The following PPP1R26 variants were observed in gnomAD, a reference collection of about 807,000 sequenced individuals.
PPP1R26 encodes protein phosphatase 1 regulatory subunit 26.
Under a neutral mutation model 67.6 loss-of-function variants are expected in PPP1R26, and 22 were observed. The observed-to-expected ratio is 0.33, with a 90% CI of 0.23 to 0.46. The LOEUF is 0.46. Among genes scored for constraint, PPP1R26 ranks in the 20% least tolerant of loss-of-function variants. The pLI, the probability that PPP1R26 is intolerant of heterozygous loss-of-function variation, is 1.00. For missense variants in PPP1R26, 1,602 were observed against 1,651.4 expected, an observed-to-expected ratio of 0.97 and a Z score of 0.52; for synonymous variants, 729 against 717.2, an observed-to-expected ratio of 1.02 and a Z score of -0.26.
intron 3 of PPP1R26, 133 bp from the exon 4 acceptor site, chr9:135,484,316 G>C: frequency 1.7e-6 from 1 of 593,248 alleles, no homozygotes; most frequent in Non-Finnish European, 2.9e-6. Context: ...CACCCAGCTA[G>C]CTGGACGTTG....
At chr9:135,484,392 T>A in intron 3 of PPP1R26, 57 bp from the exon 4 acceptor site, 1 of 976,246 alleles carries the variant, frequency 1.0e-6, no homozygotes, top group Non-Finnish European at 1.5e-6. Context: ...TCGCTTGGTG[T>A]TGGCAGCTAT....
chr9:135,485,372 G>A lies in PPP1R26; in HGVS notation c.862G>A (p.Ala288Thr), dbSNP rs71483260. Residue 288 changes from alanine (A) to threonine (T), a missense_variant, in exon 4 of 4, where the codon GCC becomes ACC. Physicochemically the swap from Ala to Thr is moderately conservative, Grantham distance 58. Around this residue, in one of 5 missense-constraint regions of PPP1R26, gnomAD observed 680 missense variants for 726.1 expected, o/e 0.94. Coordinates refer to ENST00000356818, the MANE Select transcript of PPP1R26 (RefSeq NM_014811.5). The surrounding 1 kb of genome is among the most constrained non-coding windows in gnomAD (Gnocchi z 7.2). ...CCTGCTGGGCGTCCAGAAGGAGTTTGCCTTCCGCAAACCTCCCCGGTTAGC... is the reference window on the plus strand; with the variant it reads ...CCTGCTGGGCGTCCAGAAGGAGTTTACCTTCCGCAAACCTCCCCGGTTAGC... ...QGLLGVQKEF[A>T]FRKPPRLAKM... The A allele has an allele frequency of 3.7e-5, 59 of 1,612,784 alleles. No individual in the cohort carries two copies. Among genetic ancestry groups the A allele is most frequent in the Non-Finnish European group, 4.8e-5 (57 of 1,180,006 alleles).
chr9:135,480,484 C>T (rs1245060116), intron 1 of PPP1R26: 2 of 152,216 alleles, frequency 1.3e-5, no homozygotes, highest in Non-Finnish European at 2.9e-5. Context: ...GCTTGGAGGC[C>T]CGGCCTCTTC....
intron 2 of PPP1R26, 117 bp downstream of exon 2, chr9:135,482,932 GGGCTCACCTGTGTGTAGGTGGCCA>G (rs1000318538): frequency 2.5e-6 from 1 of 392,328 alleles, no homozygotes; most frequent in Admixed American, 4.5e-5. Context: ...TACCCCTTTT[GGGCTCACCTGTGTGTAGGTGGCCA>G]GGCTCACCTT....
chr9:135,486,919 T>TGCCTCC lies in PPP1R26; in HGVS notation c.2411_2416dup (p.Ala804_Ser805dup), dbSNP rs1830758954. ...GGGTGAGGAGACCCGCCTCCGCCTC[T>TGCCTCC]GCCTCCGAAGGGAATCCATTCCCCA... On this transcript the variant is annotated inframe_insertion, in exon 4 of 4. Transcript: ENST00000356818. This position sits in a 1 kb window ranked among gnomAD's most constrained non-coding sequence, Gnocchi z 6.2. 4 of 1,612,944 alleles carry TGCCTCC rather than the reference T, an allele frequency of 2.5e-6. No homozygotes were observed. The highest frequency in any genetic ancestry group is 1.3e-5 in the African/African-American group (1 of 75,062).
In PPP1R26 at chr9:135,486,823, T is replaced by G. The variant is rs2119308034; in HGVS notation, c.2313T>G (p.Ser771Arg). The change falls in exon 4 of 4, where the codon AGT becomes AGG. Residue 771 changes from serine to arginine, a missense_variant. Around this residue, in one of 5 missense-constraint regions of PPP1R26, gnomAD observed 740 missense variants for 696.3 expected, o/e 1.06. Coordinates refer to ENST00000356818, the MANE Select transcript of PPP1R26 (RefSeq NM_014811.5). This position sits in a 1 kb window ranked among gnomAD's most constrained non-coding sequence, Gnocchi z 6.2. ...AGGGTCCTGGGAAGAAACCCCCCAG[T>G]GTCTTTGGCAGCACGGCAGAGAGGA... ...SGEGPGKKPP[S>R]VFGSTAERMR... 1.2e-6 allele frequency: 2 copies of G among 1,609,554 alleles called. No homozygotes were observed. Among genetic ancestry groups the G allele is most frequent in the Non-Finnish European group, 1.7e-6 (2 of 1,178,580 alleles).
Position 135,488,100 on chromosome 9 carries a change from C to T in PPP1R26, c.3590C>T (p.Ser1197Phe), listed in dbSNP as rs779398619. 30 of 1,546,452 alleles carry T rather than the reference C, an allele frequency of 1.9e-5. No homozygotes were observed. The highest frequency in any genetic ancestry group is 2.4e-5 in the Non-Finnish European group (28 of 1,147,748). The change falls in exon 4 of 4, where the codon TCC becomes TTC. Residue 1197 changes from serine (S) to phenylalanine (F), a missense_variant. Physicochemically the swap from Ser to Phe is radical, Grantham distance 155. Around this residue, in one of 5 missense-constraint regions of PPP1R26, gnomAD observed 740 missense variants for 696.3 expected, o/e 1.06. Coordinates refer to ENST00000356818, the MANE Select transcript of PPP1R26 (RefSeq NM_014811.5). The stretch of plus-strand genomic sequence containing the variant: ...GACGCCAGTGACTTCAGCGACACCT[C>T]CACGGAGGACAGTGGCGGCAGCTCA... Reference protein sequence around the residue: ...GSDASDFSDTSTEDSGGSSVV... With the variant: ...GSDASDFSDTFTEDSGGSSVV...
In PPP1R26 at chr9:135,487,620, C is replaced by T; in HGVS notation, c.3110C>T (p.Pro1037Leu). ...GACTTCGCCCACCAGAGTCGGCTGC[C>T]CAGCCCGTGGGTGCTGCGCTCCGAA... Reference protein sequence around the residue: ...WSDFAHQSRLPSPWVLRSEGR... With the variant: ...WSDFAHQSRLLSPWVLRSEGR... Residue 1037 changes from proline to leucine, a missense_variant, in exon 4 of 4, where the codon CCC (proline) becomes CTC (leucine). This residue lies in a region of PPP1R26 where 740 missense variants were observed against 696.3 expected (regional missense o/e 1.06). Transcript: ENST00000356818. 1 of 1,484,824 alleles carries T rather than the reference C, an allele frequency of 6.7e-7. No individual in the cohort carries two copies. The allele number at this position is 1,484,824 out of a possible 1,614,324, so 92.0% of individuals were successfully genotyped here. A position where few individuals can be genotyped will look rare whatever the true frequency, so the allele number is the denominator to read the frequency against.
intron 1 of PPP1R26, 103 bp from the exon 2 acceptor site, chr9:135,482,580 T>C: frequency 2.5e-6 from 1 of 396,676 alleles, no homozygotes. Context: ...AAAGTTAATT[T>C]TGAGCCCTTA....
At position 135,487,641 on chromosome 9, in the gene PPP1R26, C is replaced by G. The variant is rs775313091; in HGVS notation, c.3131C>G (p.Ser1044Cys). ...CTGCCCAGCCCGTGGGTGCTGCGCT[C>G]CGAAGGCAGAGATGCAGTGTGGAGG... ...SRLPSPWVLRSEGRDAVWRGG... is the reference protein window; with the variant it reads ...SRLPSPWVLRCEGRDAVWRGG... Residue 1044 changes from serine to cysteine, a missense_variant, in exon 4 of 4, where the codon TCC (serine) becomes TGC (cysteine). Ser to Cys is a moderately radical substitution (Grantham distance 112, BLOSUM62 -1). Transcript: ENST00000356818. The G allele has an allele frequency of 9.8e-5, 144 of 1,476,198 alleles. No individual in the cohort carries two copies. Among genetic ancestry groups the G allele is most frequent in the Non-Finnish European group, 1.3e-4 (141 of 1,113,446 alleles). The allele number at this position is 1,476,198 out of a possible 1,614,324, so 91.4% of individuals were successfully genotyped here.
chr9:135,487,089 C>T lies in PPP1R26; in HGVS notation c.2579C>T (p.Ala860Val), dbSNP rs761246066. 6 of 1,611,398 alleles carry T rather than the reference C, an allele frequency of 3.7e-6. No individual in the cohort carries two copies. Among genetic ancestry groups the T allele is most frequent in the Admixed American group, 1.7e-5 (1 of 60,000 alleles). The change falls in exon 4 of 4, where the codon GCA becomes GTA. Residue 860 changes from alanine to valine, a missense_variant. Around this residue, in one of 5 missense-constraint regions of PPP1R26, gnomAD observed 740 missense variants for 696.3 expected, o/e 1.06. Transcript: ENST00000356818. ...TCAGTGAGCAGTTCAGAAGTTCAGG[C>T]AGAGGGCCCCACCGCTCTTGGGACA... is the stretch of plus-strand genomic sequence containing the variant. Reference protein sequence around the residue: ...KESVSSSEVQAEGPTALGTGG... With the variant: ...KESVSSSEVQVEGPTALGTGG...
upstream of PPP1R26, chr9:135,479,643 C>T (rs867587826): frequency 3.3e-3 from 479 of 145,864 alleles, 14 homozygotes; most frequent in East Asian, 0.049. The surrounding 1 kb of genome is among the most constrained non-coding windows in gnomAD (Gnocchi z 5.9). Context: ...CGCGCGCCTC[C>T]CCCGGAACTC....
rs1308584654 is a variant in PPP1R26 at position 135,486,500 on chromosome 9, G to A, written c.1990G>A (p.Gly664Ser). 2 of 1,612,924 alleles carry A rather than the reference G, an allele frequency of 1.2e-6. No homozygotes were observed. Among genetic ancestry groups the A allele is most frequent in the Admixed American group, 1.7e-5 (1 of 59,958 alleles). ...CCCTGGCGACACTCGCATGTCACAG[G>A]GCCAGGGTAAGACAGACGAGGCAAG... Reference protein sequence around the residue: ...RGPGDTRMSQGQGKTDEARRL... With the variant: ...RGPGDTRMSQSQGKTDEARRL... The change falls in exon 4 of 4, where the codon GGC becomes AGC. Residue 664 changes from glycine to serine, a missense_variant. By Grantham distance (56) the Gly-to-Ser change is moderately conservative. This residue lies in a region of PPP1R26 where 680 missense variants were observed against 726.1 expected (regional missense o/e 0.94). Coordinates refer to ENST00000356818, the MANE Select transcript of PPP1R26 (RefSeq NM_014811.5). The surrounding 1 kb of genome is among the most constrained non-coding windows in gnomAD (Gnocchi z 6.2).
chr9:135,488,051 C>G lies in PPP1R26; in HGVS notation c.3541C>G (p.Gln1181Glu), dbSNP rs1407764181. The change falls in exon 4 of 4, where the codon CAG (glutamine) becomes GAG (glutamate). Residue 1181 changes from glutamine (Q) to glutamate (E), a missense_variant. Coordinates refer to ENST00000356818, the MANE Select transcript of PPP1R26 (RefSeq NM_014811.5). ...RYRRRVNRDD[Q>E]EQDALGSDAS... ...TCGACGAAGGGTCAACAGGGATGAC[C>G]AGGAGCAGGACGCCTTGGGCAGTGA... 2 of 1,603,536 alleles carry G rather than the reference C, an allele frequency of 1.2e-6. No homozygotes were observed. Among genetic ancestry groups the G allele is most frequent in the East Asian group, 2.2e-5 (1 of 44,680 alleles).
Position 135,487,469 on chromosome 9 carries a change from G to C in PPP1R26, c.2959G>C (p.Gly987Arg). ...TCAGCTGCCCAGCTGTGCCACAGCG[G>C]GCACCGAGGCAGGAGGCGCCAGAGG... ...FGQLPSCATA[G>R]TEAGGARGTF... Residue 987 changes from glycine (G) to arginine (R), a missense_variant, in exon 4 of 4, where the codon GGC becomes CGC. Around this residue, in one of 5 missense-constraint regions of PPP1R26, gnomAD observed 740 missense variants for 696.3 expected, o/e 1.06. Coordinates refer to ENST00000356818, the MANE Select transcript of PPP1R26 (RefSeq NM_014811.5). 3 of 1,610,728 alleles carry C rather than the reference G, an allele frequency of 1.9e-6. No individual in the cohort carries two copies. The highest frequency in any genetic ancestry group is 2.5e-6 in the Non-Finnish European group (3 of 1,179,774).
In PPP1R26 at chr9:135,485,912, G is replaced by A. The variant is rs200254122; in HGVS notation, c.1402G>A (p.Val468Met). ...PASPASRSEF[V>M]ERSSCRADTS... ...GAGCCCTGCTTCCAGGAGTGAGTTT[G>A]TGGAACGGTCCTCGTGCCGGGCGGA... Residue 468 changes from valine to methionine, a missense_variant, in exon 4 of 4, where the codon GTG (valine) becomes ATG (methionine). Val to Met is a conservative substitution (Grantham distance 21, BLOSUM62 1). This residue lies in a region of PPP1R26 where 680 missense variants were observed against 726.1 expected (regional missense o/e 0.94). Coordinates refer to ENST00000356818, the MANE Select transcript of PPP1R26 (RefSeq NM_014811.5). This position sits in a 1 kb window ranked among gnomAD's most constrained non-coding sequence, Gnocchi z 7.2. The A allele has an allele frequency of 2.5e-6, 4 of 1,613,564 alleles. No individual in the cohort carries two copies. In the East Asian group the frequency reaches 8.9e-5, roughly 36 times the overall value.
At chr9:135,479,198 G>A (rs1378709388), upstream of PPP1R26, 1 of 152,076 alleles carries the variant, frequency 6.6e-6, no homozygotes, top group Non-Finnish European at 1.5e-5. This position sits in a 1 kb window ranked among gnomAD's most constrained non-coding sequence, Gnocchi z 5.9. Flanking sequence ...CAGGTCGTGC[G>A]TCCACTCCCC....
rs1830663947 is a variant in PPP1R26, at chr9:135,485,121, C to G, written c.611C>G (p.Ser204Cys). Residue 204 changes from serine (S) to cysteine (C), a missense_variant, in exon 4 of 4, where the codon TCC becomes TGC. This residue lies in a region of PPP1R26 where 680 missense variants were observed against 726.1 expected (regional missense o/e 0.94). Coordinates refer to ENST00000356818, the MANE Select transcript of PPP1R26 (RefSeq NM_014811.5). The surrounding 1 kb of genome is among the most constrained non-coding windows in gnomAD (Gnocchi z 7.2). ...SGGGPGSQVGSSKDQGSASPV... is the reference protein window; with the variant it reads ...SGGGPGSQVGCSKDQGSASPV... ...GGTGGCCCCGGCAGCCAGGTGGGATCCAGCAAGGACCAGGGCTCCGCCTCC... is the reference window on the plus strand; with the variant it reads ...GGTGGCCCCGGCAGCCAGGTGGGATGCAGCAAGGACCAGGGCTCCGCCTCC... The G allele has an allele frequency of 6.2e-7, 1 of 1,612,826 alleles. No individual in the cohort carries two copies.
rs1830688007 is a variant in PPP1R26, at chr9:135,485,513, G to A, written c.1003G>A (p.Gly335Ser). 2.5e-6 allele frequency: 4 copies of A among 1,613,076 alleles called. No individual in the cohort carries two copies. The highest frequency in any genetic ancestry group is 3.4e-6 in the Non-Finnish European group (4 of 1,180,020). Residue 335 changes from glycine to serine, a missense_variant, in exon 4 of 4, where the codon GGT (glycine) becomes AGT (serine). This residue lies in a region of PPP1R26 where 680 missense variants were observed against 726.1 expected (regional missense o/e 0.94). Coordinates refer to ENST00000356818, the MANE Select transcript of PPP1R26 (RefSeq NM_014811.5). This position sits in a 1 kb window ranked among gnomAD's most constrained non-coding sequence, Gnocchi z 7.2. The stretch of plus-strand genomic sequence containing the variant: ...CCCTTCAGAAGCAGCACAGAATAAA[G>A]GTGGGATCAAAAGGAGCGCCAGCGC... ...CRPSEAAQNK[G>S]GIKRSASAAR...
Sources: allele counts gnomAD v4.1 joint callset, GRCh38; gene constraint gnomAD v4.1.1; regional missense constraint gnomAD v4.1.1; non-coding constraint Gnocchi (gnomAD v3.1); transcripts MANE v1.5; gene names NCBI Gene and HGNC (gene_info 2026-07-23, HGNC 2026-07-21).